Variants in PBRM1 observed in about 807,000 individuals in gnomAD.
The protein encoded by PBRM1 is polybromo 1.
In PBRM1, 27 loss-of-function variants were observed where a neutral mutation model predicts 194.5. The observed-to-expected ratio is 0.14, with a 90% CI of 0.10 to 0.19. PBRM1 has a LOEUF of 0.19. Ranked by LOEUF, PBRM1 falls within the 10% of genes least tolerant of loss-of-function variation. PBRM1 has a pLI of 1.00. For synonymous variants in PBRM1, 655 were observed against 693.2 expected (o/e 0.94, Z 0.87); for missense variants, 1,466 against 2,077.2 (o/e 0.71, Z 5.72).
At chr3:52,651,777 G>C (rs1405242902) in exon 6 of PBRM1, 2 of 1,604,886 alleles carry the variant, frequency 1.2e-6, no homozygotes, top group Non-Finnish European at 1.7e-6. Flanking sequence ...AGATCTATAG[G>C]CTCCTTAATT....
intron 17 of PBRM1, among the ~76,000 whole-genome samples, chr3:52,590,776 AAT>A (rs1288648519): frequency 5.3e-5 from 8 of 152,104 alleles, no homozygotes; most frequent in South Asian, 4.1e-4. Flanking sequence ...TAAATTTTAA[AAT>A]AGTTTTTCTA....
chr3:52,595,233 T>C (rs1360147702), intron 17 of PBRM1, among the ~76,000 whole-genome samples: 4 of 152,120 alleles, frequency 2.6e-5, no homozygotes, highest in African/African-American at 4.8e-5. Context: ...TTTGATGACC[T>C]TGGGTGTTTG....
chr3:52,573,188 C>T (rs1344394317), intron 22 of PBRM1, among the ~76,000 whole-genome samples: 6 of 152,166 alleles, frequency 3.9e-5, no homozygotes, highest in Non-Finnish European at 5.9e-5. Flanking sequence ...ACCTTTCTGA[C>T]AATATCAGCA....
intron 11 of PBRM1, among the ~76,000 whole-genome samples, chr3:52,631,766 T>C (rs2095626166): frequency 6.6e-6 from 1 of 152,232 alleles, no homozygotes; most frequent in African/African-American, 2.4e-5. Context: ...TTAAACTATT[T>C]TTCTGTTCTT....
intron 22 of PBRM1, among the ~76,000 whole-genome samples, chr3:52,574,393 C>CT (rs2088633017): frequency 6.6e-6 from 1 of 152,222 alleles, no homozygotes; most frequent in African/African-American, 2.4e-5. Context: ...AGGGATTACA[C>CT]TTTAAGTCAT....
At chr3:52,671,591 T>C (rs1342674834) in intron 2 of PBRM1, among the ~76,000 whole-genome samples, 1 of 152,252 alleles carries the variant, frequency 6.6e-6, no homozygotes, top group Non-Finnish European at 1.5e-5. Flanking sequence ...CTATAAACTG[T>C]GATAACTCAG....
chr3:52,683,703 AG>A (rs2097254658), upstream of PBRM1, among the ~76,000 whole-genome samples: 1 of 152,002 alleles, frequency 6.6e-6, no homozygotes, highest in East Asian at 1.9e-4. Flanking sequence ...CTGTAATCCC[AG>A]GCACTCGAGA....
At chr3:52,589,166 T>C (rs145255292) in exon 18 of PBRM1, 826 of 1,612,214 alleles carry the variant, frequency 5.1e-4, no homozygotes, top group Non-Finnish European at 6.5e-4. Context: ...ACATGGTACA[T>C]GCTGTTTTTA....
intron 7 of PBRM1, among the ~76,000 whole-genome samples, chr3:52,647,703 C>A (rs533195164): frequency 6.6e-6 from 1 of 151,572 alleles, no homozygotes; most frequent in African/African-American, 2.4e-5. Context: ...GAAAACATTA[C>A]GCTAACTGAA....
intron 22 of PBRM1, 38 bp downstream of exon 24, chr3:52,576,503 G>T (rs2089649371): frequency 3.3e-6 from 5 of 1,535,092 alleles, no homozygotes; most frequent in Non-Finnish European, 3.5e-6. Flanking sequence ...AATTTTGATG[G>T]AATAAACACG....
intron 22 of PBRM1, among the ~76,000 whole-genome samples, chr3:52,575,824 T>C (rs1266232158): frequency 2.0e-5 from 3 of 152,118 alleles, no homozygotes; most frequent in African/African-American, 7.2e-5. Flanking sequence ...TTAAATCAAC[T>C]GTTTTAAATA....
At chr3:52,593,809 T>C (rs2093324381) in intron 17 of PBRM1, among the ~76,000 whole-genome samples, 1 of 152,232 alleles carries the variant, frequency 6.6e-6, no homozygotes, top group African/African-American at 2.4e-5. Context: ...ATAATTTTCC[T>C]TCTTTTGCAT....
intron 29 of PBRM1, among the ~76,000 whole-genome samples, chr3:52,548,865 G>A (rs2080134460): frequency 1.3e-5 from 2 of 152,260 alleles, no homozygotes; most frequent in South Asian, 4.1e-4. Flanking sequence ...GACCAAAGTT[G>A]GTTTAGAAAT....
rs942283279 is a variant in PBRM1, at chr3:52,673,588, C to T, written c.236+4912G>A. Among the ~76,000 whole-genome samples, 5 of 145,826 alleles carry T rather than the reference C, an allele frequency of 3.4e-5. No individual in the cohort carries two copies. In the Admixed American group the frequency reaches 3.6e-4, roughly 10 times the overall value. Reference sequence around the variant, plus strand: ...TCGGGAGGCTGAGGCAGGACAATTGCTTGAACCCAGGAGGTGGAAGTTGCA... The same window carrying T: ...TCGGGAGGCTGAGGCAGGACAATTGTTTGAACCCAGGAGGTGGAAGTTGCA... On this transcript the variant is annotated intron_variant, in intron 2 of 29. Transcript: ENST00000296302.
At chr3:52,584,190 T>C (rs899395910) in intron 20 of PBRM1, among the ~76,000 whole-genome samples, 3 of 152,144 alleles carry the variant, frequency 2.0e-5, no homozygotes, top group Admixed American at 2.0e-4. Flanking sequence ...GTAAATTTTT[T>C]TCCTAGAGGT....
chr3:52,582,835 C>A (rs1012919044), intron 20 of PBRM1, among the ~76,000 whole-genome samples: 1 of 152,018 alleles, frequency 6.6e-6, no homozygotes, highest in Non-Finnish European at 1.5e-5. Flanking sequence ...CGGTGGCTCA[C>A]GCCTGTAATC....
chr3:52,609,849 A>G lies in PBRM1; in HGVS notation c.2031T>C (p.Gly677=). ...TCAGAAATATGGCACTGAGGCGGCG[A>G]CCCCTCTTATCAGTATAGTTCTTTA... Residue 677 remains glycine (G), a synonymous_variant, in exon 16 of 30, where the codon GGT becomes GGC. Coordinates refer to ENST00000296302, the Ensembl canonical transcript of PBRM1. This position sits in a 1 kb window ranked among gnomAD's most constrained non-coding sequence, Gnocchi z 4.1. 6.2e-7 allele frequency: 1 copy of G among 1,613,242 alleles called. No individual in the cohort carries two copies. The highest frequency in any genetic ancestry group is 2.2e-5 in the East Asian group (1 of 44,844).
At chr3:52,653,101 AGTTT>A (rs1415212309) in intron 5 of PBRM1, among the ~76,000 whole-genome samples, 3 of 152,184 alleles carry the variant, frequency 2.0e-5, no homozygotes, top group African/African-American at 7.2e-5. Context: ...GCTCTTTAGG[AGTTT>A]GTTACAAGCT....
intron 13 of PBRM1, chr3:52,624,922 T>A: frequency 1.3e-6 from 2 of 1,548,372 alleles, no homozygotes; most frequent in Non-Finnish European, 1.7e-6. Flanking sequence ...AGACCCAACA[T>A]CTCACTGTCA....
Sources: allele counts gnomAD v4.1 joint callset (sites outside exome capture counted in the v4.1 genomes callset), GRCh38; gene constraint gnomAD v4.1.1; non-coding constraint Gnocchi (gnomAD v3.1); transcripts MANE v1.5; gene names NCBI Gene and HGNC (gene_info 2026-07-23, HGNC 2026-07-21).